Variants in BLTP1 observed in about 807,000 individuals in gnomAD.
BLTP1 encodes bridge-like lipid transfer protein family member 1.
the BLTP1 span, chr4:122,362,001 C>T: frequency 6.3e-7 from 1 of 1,582,160 alleles, no homozygotes. Flanking sequence ...GCATTACACT[C>T]CTTAATAATA....
At chr4:122,239,452 T>C in the BLTP1 span, 1 of 1,286,666 alleles carries the variant, frequency 7.8e-7, no homozygotes, top group Non-Finnish European at 1.1e-6. Flanking sequence ...TTTATTGATA[T>C]TTGTTTTTAT....
the BLTP1 span, chr4:122,187,851 A>T: frequency 6.5e-7 from 1 of 1,531,906 alleles, no homozygotes. Flanking sequence ...TGGCCAGAAT[A>T]GCATGATATA....
At chr4:122,207,259 GA>G in the BLTP1 span, 1 of 1,602,918 alleles carries the variant, frequency 6.2e-7, no homozygotes, top group South Asian at 1.1e-5. Flanking sequence ...TAAACAACAG[GA>G]AAATGGTAAG....
At chr4:122,264,859 C>CT in the BLTP1 span, among the ~76,000 whole-genome samples, 1 of 152,024 alleles carries the variant, frequency 6.6e-6, no homozygotes, top group Admixed American at 6.5e-5. Context: ...AATAGAGAAA[C>CT]TAGTGTTGAA....
chr4:122,259,918 G>A, the BLTP1 span: 1 of 939,692 alleles, frequency 1.1e-6, no homozygotes, highest in African/African-American at 1.8e-5. Flanking sequence ...TTGATACCCA[G>A]AATCTGTAAA....
the BLTP1 span, chr4:122,271,854 A>T: frequency 2.8e-6 from 2 of 725,998 alleles, no homozygotes; most frequent in Non-Finnish European, 4.4e-6. Flanking sequence ...ATTGTCTATC[A>T]CCAGGGAAAT....
At chr4:122,346,828 G>A in the BLTP1 span, 12 of 1,561,606 alleles carry the variant, frequency 7.7e-6, no homozygotes, top group South Asian at 2.4e-5. Flanking sequence ...TAACACAAAC[G>A]TGATCTTACT....
At chr4:122,227,073 T>C in the BLTP1 span, 1 of 541,068 alleles carries the variant, frequency 1.8e-6, no homozygotes, top group Non-Finnish European at 2.6e-6. Flanking sequence ...TATATTTTGC[T>C]TACATTTTTA....
chr4:122,242,646 C>T, the BLTP1 span, among the ~76,000 whole-genome samples: 1 of 152,158 alleles, frequency 6.6e-6, no homozygotes, highest in African/African-American at 2.4e-5. Flanking sequence ...TTTAATGTTT[C>T]TGTGGCTCTC....
At chr4:122,281,539 A>T in the BLTP1 span, 2 of 1,580,532 alleles carry the variant, frequency 1.3e-6, no homozygotes, top group Non-Finnish European at 1.7e-6. Context: ...TTTCTAGCCC[A>T]CAGCCTGTAA....
chr4:122,229,029 G>T, the BLTP1 span: 1 of 1,091,728 alleles, frequency 9.2e-7, no homozygotes, highest in Admixed American at 2.9e-5. Flanking sequence ...TCAATAACTA[G>T]ATTTTTTGTG....
At chr4:122,153,060 C>T in the BLTP1 span, 2 of 983,246 alleles carry the variant, frequency 2.0e-6, no homozygotes, top group Non-Finnish European at 1.2e-6. Context: ...GTGCTTGCTG[C>T]ACTGCACTCT....
At chr4:122,224,334 ATACCTC>A in the BLTP1 span, 1 of 357,816 alleles carries the variant, frequency 2.8e-6, no homozygotes, top group Non-Finnish European at 3.9e-6. Flanking sequence ...TTAACTCAGA[ATACCTC>A]TGCGGGTACA....
chr4:122,343,449 A>G, the BLTP1 span: 1 of 1,614,028 alleles, frequency 6.2e-7, no homozygotes, highest in Non-Finnish European at 8.5e-7. Context: ...CGAAGTCGAC[A>G]TAGTAGTAGT....
chr4:122,348,525 C>T, the BLTP1 span: 3 of 1,511,350 alleles, frequency 2.0e-6, no homozygotes, highest in Non-Finnish European at 2.7e-6. Context: ...ACTAGCTTGG[C>T]ATTTATGTGA....
the BLTP1 span, chr4:122,328,793 C>G: frequency 1.6e-4 from 156 of 974,954 alleles, no homozygotes; most frequent in Non-Finnish European, 1.8e-4. Context: ...AAAGAAATAA[C>G]ATGAAATGGT....
chr4:122,316,574 T>C, the BLTP1 span: 1 of 963,358 alleles, frequency 1.0e-6, no homozygotes, highest in South Asian at 1.4e-5. Context: ...ATAGATTCCT[T>C]ATGAAATTGA....
chr4:122,164,808 C>G, the BLTP1 span, among the ~76,000 whole-genome samples: 1 of 151,498 alleles, frequency 6.6e-6, no homozygotes, highest in Non-Finnish European at 1.5e-5. Flanking sequence ...TAATACAAAA[C>G]TTTTCCTAGA....
At chr4:122,362,112 G>A in the BLTP1 span, 2 of 1,613,454 alleles carry the variant, frequency 1.2e-6, no homozygotes, top group Non-Finnish European at 1.7e-6. Flanking sequence ...ATCATGCTAG[G>A]ACTACTATTC....
Sources: gnomAD v4.1 joint callset for allele counts (sites outside exome capture counted in the v4.1 genomes callset) on GRCh38, gnomAD v4.1.1 for gene constraint, MANE v1.5 for transcripts, NCBI Gene and HGNC (gene_info 2026-07-23, HGNC 2026-07-21) for gene names.